Variants in MEF2C observed in about 807,000 individuals in gnomAD.
MEF2C encodes the protein myocyte enhancer factor 2C.
A neutral mutation model predicts 50.5 loss-of-function variants in MEF2C; 6 were observed. The ratio of observed to expected loss-of-function variants is 0.12; its 90% CI spans 0.07 to 0.23. The LOEUF is 0.23. Ranked by LOEUF, MEF2C falls within the 10% of genes least tolerant of loss-of-function variation. MEF2C has a pLI of 1.00. For missense variants in MEF2C, 276 were observed against 605.0 expected, an observed-to-expected ratio of 0.46 and a Z score of 5.70; for synonymous variants, 183 against 228.0, an observed-to-expected ratio of 0.80 and a Z score of 1.78.
At chr5:88,811,033 G>T (rs556024582) in intron 2 of MEF2C, among the ~76,000 whole-genome samples, 11 of 152,042 alleles carry the variant, frequency 7.2e-5, no homozygotes, top group African/African-American at 2.7e-4. Context: ...AAGTTTTAGC[G>T]TTCTATAGTG....
rs149401819 is a variant in MEF2C, at chr5:88,862,948, G to A, written c.-143+20007C>T. 7.5e-4 allele frequency among the ~76,000 whole-genome samples: 115 copies of A among 152,340 alleles called. 2 individuals carry two copies. Among genetic ancestry groups the A allele is most frequent in the African/African-American group, 2.5e-3 (103 of 41,574 alleles). On this transcript the variant is annotated intron_variant, in intron 1 of 10. Transcript: ENST00000504921. Reference sequence around the variant, plus strand: ...CACAGAATCTGAAGTTCTGGGCAAGGCCTGCACAGCTTTTCTAAATGAGAA... The same window carrying A: ...CACAGAATCTGAAGTTCTGGGCAAGACCTGCACAGCTTTTCTAAATGAGAA...
At chr5:88,773,343 C>T (rs554198901) in intron 3 of MEF2C, among the ~76,000 whole-genome samples, 1 of 152,184 alleles carries the variant, frequency 6.6e-6, no homozygotes, top group African/African-American at 2.4e-5. Flanking sequence ...TACACTGATT[C>T]TACCCTTAGC....
At chr5:88,762,605 CAACTT>C (rs907794378) in intron 3 of MEF2C, among the ~76,000 whole-genome samples, 1 of 151,860 alleles carries the variant, frequency 6.6e-6, no homozygotes, top group Admixed American at 6.6e-5. Flanking sequence ...TAACGGTTGT[CAACTT>C]AATTGTATAC....
intron 6 of MEF2C, among the ~76,000 whole-genome samples, chr5:88,744,343 C>T (rs374256937): frequency 1.3e-5 from 2 of 152,180 alleles, no homozygotes; most frequent in African/African-American, 4.8e-5. Flanking sequence ...TGCCTGAGCT[C>T]AGGAGTTTGT....
intron 6 of MEF2C, chr5:88,737,353 TA>T: frequency 2.0e-6 from 2 of 985,412 alleles, no homozygotes; most frequent in Non-Finnish European, 2.4e-6. Context: ...GAGAGTTAAT[TA>T]AAGCGTCTTT....
At chr5:88,739,852 G>A (rs1765767129) in intron 6 of MEF2C, 1 of 985,322 alleles carries the variant, frequency 1.0e-6, no homozygotes, top group Non-Finnish European at 1.2e-6. Flanking sequence ...GCTTAATGTA[G>A]AAAGGGGGCA....
intron 3 of MEF2C, among the ~76,000 whole-genome samples, chr5:88,779,654 G>C (rs886199679): frequency 1.3e-5 from 2 of 151,548 alleles, no homozygotes; most frequent in African/African-American, 4.8e-5. Flanking sequence ...ACATCTGAAA[G>C]AATCTTCAGA....
At chr5:88,734,052 A>G (rs1159548159) in intron 6 of MEF2C, 9 of 984,826 alleles carry the variant, frequency 9.1e-6, no homozygotes, top group Admixed American at 6.2e-5. Flanking sequence ...AAAAGAGAGT[A>G]TGTTCACTTA....
At position 88,853,346 on chromosome 5, in the gene MEF2C, A is replaced by T. The variant is rs374694769; in HGVS notation, c.-142-29416T>A. 1.4e-4 allele frequency among the ~76,000 whole-genome samples: 22 copies of T among 152,318 alleles called. No individual in the cohort carries two copies. The South Asian group carries it at 4.6e-3, about 32-fold the overall frequency. On this transcript the variant is annotated intron_variant, in intron 1 of 10. Transcript: ENST00000504921. ...CTTGTATACGTTTAAACAAGAGTTGATTACCAAACAGCTGTGTACACAGGG... is the reference window on the plus strand; with the variant it reads ...CTTGTATACGTTTAAACAAGAGTTGTTTACCAAACAGCTGTGTACACAGGG...
chr5:88,727,893 A>T (rs1265706043), intron 10 of MEF2C, among the ~76,000 whole-genome samples: 3 of 152,070 alleles, frequency 2.0e-5, no homozygotes, highest in Non-Finnish European at 2.9e-5. Context: ...ATATCTGAAA[A>T]CTACCACAAG....
rs563621314 is a variant in MEF2C at position 88,777,002 on chromosome 5, T to C, written c.259-15674A>G. The stretch of plus-strand genomic sequence containing the variant: ...CTGGCCTCCTGGCTGCCTGATTTTG[T>C]AGTCATGATGGCTTCAATAACTTCA... On this transcript the variant is annotated intron_variant, in intron 3 of 10. Coordinates refer to ENST00000504921, the MANE Select transcript of MEF2C (RefSeq NM_002397.5). Among the ~76,000 whole-genome samples the C allele has an allele frequency of 4.6e-5, 7 of 152,342 alleles. No individual in the cohort carries two copies. The South Asian group carries it at 1.5e-3, about 32-fold the overall frequency.
intron 6 of MEF2C, among the ~76,000 whole-genome samples, chr5:88,745,650 G>A (rs1581646216): frequency 1.3e-5 from 2 of 151,872 alleles, no homozygotes; most frequent in African/African-American, 4.8e-5. Flanking sequence ...TCTCTATAAG[G>A]AAAAAAATTA....
intron 1 of MEF2C, among the ~76,000 whole-genome samples, chr5:88,878,346 C>G (rs897739409): frequency 6.6e-6 from 1 of 151,932 alleles, no homozygotes; most frequent in African/African-American, 2.4e-5. Context: ...AGACCCATTA[C>G]AGGAATGACC....
chr5:88,843,591 T>A, intron 1 of MEF2C: 1 of 339,084 alleles, frequency 2.9e-6, no homozygotes, highest in Non-Finnish European at 4.2e-6. Flanking sequence ...AGGTGTTAAC[T>A]ATGTAATATA....
chr5:88,790,369 T>A (rs913137453), intron 3 of MEF2C, among the ~76,000 whole-genome samples: 1 of 152,206 alleles, frequency 6.6e-6, no homozygotes, highest in African/African-American at 2.4e-5. Flanking sequence ...AGCATCAGCA[T>A]CACCTGGTCA....
chr5:88,811,347 A>G (rs1454872689), intron 2 of MEF2C, among the ~76,000 whole-genome samples: 1 of 152,184 alleles, frequency 6.6e-6, no homozygotes, highest in Non-Finnish European at 1.5e-5. Flanking sequence ...GAGATTCAAA[A>G]CAAGGGAAAA....
chr5:88,765,392 G>A (rs1361822473), intron 3 of MEF2C, among the ~76,000 whole-genome samples: 1 of 152,168 alleles, frequency 6.6e-6, no homozygotes, highest in African/African-American at 2.4e-5. Context: ...GAAAATGGAA[G>A]TGATGGCACA....
chr5:88,777,596 A>G (rs1051761505), intron 3 of MEF2C, among the ~76,000 whole-genome samples: 5 of 152,346 alleles, frequency 3.3e-5, no homozygotes, highest in Non-Finnish European at 5.9e-5. Context: ...GTATCTGTGT[A>G]TCCTTTGAAC....
chr5:88,870,598 C>A (rs1348141007), intron 1 of MEF2C, among the ~76,000 whole-genome samples: 1 of 152,062 alleles, frequency 6.6e-6, no homozygotes, highest in Non-Finnish European at 1.5e-5. Flanking sequence ...TTCTTTCCAA[C>A]ATGATGAACA....
Sources: allele counts gnomAD v4.1 joint callset (sites outside exome capture counted in the v4.1 genomes callset), GRCh38; gene constraint gnomAD v4.1.1; transcripts MANE v1.5; gene names NCBI Gene and HGNC (gene_info 2026-07-23, HGNC 2026-07-21).